The following ARHGEF26 variants were observed in gnomAD, a reference collection of about 807,000 sequenced individuals.
The protein encoded by ARHGEF26 is Rho guanine nucleotide exchange factor (GEF) 26.
ARHGEF26 carries 59 observed loss-of-function variants against 89.4 expected under a neutral mutation model. That is an observed-to-expected ratio of 0.66 (90% CI 0.54 to 0.82). The LOEUF is 0.82. Among genes scored for constraint, ARHGEF26 ranks in the 40% least tolerant of loss-of-function variants. ARHGEF26 has a pLI of 0.00. For synonymous variants in ARHGEF26, 500 were observed against 428.4 expected, an observed-to-expected ratio of 1.17 and a Z score of -2.06; for missense variants, 1,234 against 1,085.6, an observed-to-expected ratio of 1.14 and a Z score of -1.92.
At chr3:154,196,524 C>T (rs1041803369) in intron 9 of ARHGEF26, among the ~76,000 whole-genome samples, 1 of 152,166 alleles carries the variant, frequency 6.6e-6, no homozygotes, top group African/African-American at 2.4e-5. Context: ...ATTTTACTTA[C>T]CCTCTTCCTT....
In ARHGEF26 at chr3:154,122,783, C is replaced by A. The variant is rs1209330607; in HGVS notation, c.791C>A (p.Ser264Tyr). 6 of 1,610,796 alleles carry A rather than the reference C, an allele frequency of 3.7e-6. No individual in the cohort carries two copies. In the South Asian group the frequency reaches 4.4e-5, roughly 12 times the overall value. The change falls in exon 2 of 15, where the codon TCC becomes TAC. Residue 264 changes from serine (S) to tyrosine (Y), a missense_variant. Ser to Tyr is a moderately radical substitution (Grantham distance 144, BLOSUM62 -2). Coordinates refer to ENST00000465093, the MANE Select transcript of ARHGEF26 (RefSeq NM_015595.4). ...GCCTCGGAAATTAAAATAAGTAAAT[C>A]CAACAATCAAAATGTGGAGCCCCAC... ...SLASEIKISK[S>Y]NNQNVEPHKR...
At chr3:154,180,020 C>T (rs1713081853) in intron 6 of ARHGEF26, among the ~76,000 whole-genome samples, 1 of 152,116 alleles carries the variant, frequency 6.6e-6, no homozygotes, top group Non-Finnish European at 1.5e-5. Context: ...TTTTCAGCTT[C>T]TAGAAGTCAC....
At chr3:154,203,983 T>C (rs1485519294) in intron 9 of ARHGEF26, among the ~76,000 whole-genome samples, 1 of 152,054 alleles carries the variant, frequency 6.6e-6, no homozygotes, top group Non-Finnish European at 1.5e-5. Flanking sequence ...CTTTGTCTGG[T>C]TTTGGTATCA....
chr3:154,188,307 C>T (rs965754304), intron 7 of ARHGEF26, among the ~76,000 whole-genome samples: 1 of 152,170 alleles, frequency 6.6e-6, no homozygotes, highest in Non-Finnish European at 1.5e-5. Flanking sequence ...TTATTCCCCC[C>T]ACTTGGGTAG....
rs73010657 is a variant in ARHGEF26, at chr3:154,165,516, A to G, written c.1487+12584A>G. ...TTTTCCGGACTCTTTGAAGACCCCA[A>G]TATTTGGAAACTCAGGTGTTCAAAC... is the stretch of plus-strand genomic sequence containing the variant. On this transcript the variant is annotated intron_variant, in intron 6 of 14. Transcript: ENST00000465093. 4.7e-3 allele frequency among the ~76,000 whole-genome samples: 720 copies of G among 152,256 alleles called. 5 individuals are homozygous for G. Among genetic ancestry groups the G allele is most frequent in the African/African-American group, 0.017 (694 of 41,556 alleles).
chr3:154,197,542 GTAGT>G (rs1209852062), intron 9 of ARHGEF26, among the ~76,000 whole-genome samples: 1 of 152,092 alleles, frequency 6.6e-6, no homozygotes, highest in Non-Finnish European at 1.5e-5. Context: ...GTCTCTCTAG[GTAGT>G]TACTCATTCT....
intron 6 of ARHGEF26, among the ~76,000 whole-genome samples, chr3:154,158,701 T>C (rs1226711952): frequency 6.6e-6 from 1 of 152,170 alleles, no homozygotes; most frequent in African/African-American, 2.4e-5. Flanking sequence ...AAATGGAGTA[T>C]TTGATATCAT....
chr3:154,225,619 GT>G (rs1199489881), intron 10 of ARHGEF26, among the ~76,000 whole-genome samples: 1 of 151,960 alleles, frequency 6.6e-6, no homozygotes, highest in Non-Finnish European at 1.5e-5. Context: ...TTGAGTTTTA[GT>G]TTCATATTGG....
At chr3:154,163,880 G>A (rs1711817695) in intron 6 of ARHGEF26, among the ~76,000 whole-genome samples, 1 of 152,064 alleles carries the variant, frequency 6.6e-6, no homozygotes, top group Non-Finnish European at 1.5e-5. Context: ...ATAATCTGAA[G>A]TGTGTGGAGT....
At chr3:154,182,646 A>G (rs908097453) in intron 6 of ARHGEF26, among the ~76,000 whole-genome samples, 3 of 152,190 alleles carry the variant, frequency 2.0e-5, no homozygotes, top group Admixed American at 1.3e-4. Context: ...TTGCAGTTCC[A>G]GCTGCTACTC....
intron 10 of ARHGEF26, among the ~76,000 whole-genome samples, chr3:154,221,425 T>C (rs1716121313): frequency 6.6e-6 from 1 of 152,216 alleles, no homozygotes; most frequent in Non-Finnish European, 1.5e-5. Context: ...TGGCAATAAC[T>C]ATCAAAATTA....
chr3:154,219,265 T>C (rs1171715071), intron 10 of ARHGEF26, among the ~76,000 whole-genome samples: 1 of 152,218 alleles, frequency 6.6e-6, no homozygotes, highest in Non-Finnish European at 1.5e-5. Context: ...TTTTCCCTTC[T>C]TCACTGAAAG....
chr3:154,149,019 G>A (rs1719853732), intron 4 of ARHGEF26, among the ~76,000 whole-genome samples: 1 of 152,086 alleles, frequency 6.6e-6, no homozygotes, highest in Admixed American at 6.5e-5. Context: ...AAAAGCATGA[G>A]CCCTGGAGTT....
chr3:154,239,163 G>A (rs1441032291), intron 11 of ARHGEF26, among the ~76,000 whole-genome samples: 1 of 151,798 alleles, frequency 6.6e-6, no homozygotes, highest in Non-Finnish European at 1.5e-5. Context: ...GAGTAAAGTC[G>A]GGGAATTGAG....
intron 6 of ARHGEF26, among the ~76,000 whole-genome samples, chr3:154,170,445 A>G (rs1712354738): frequency 6.6e-6 from 1 of 152,224 alleles, no homozygotes; most frequent in South Asian, 2.1e-4. Context: ...ACAAGGTTAA[A>G]TTGCTTATTA....
intron 6 of ARHGEF26, among the ~76,000 whole-genome samples, chr3:154,183,566 G>A (rs961676842): frequency 1.3e-5 from 2 of 152,064 alleles, no homozygotes; most frequent in African/African-American, 4.8e-5. Flanking sequence ...TCATTTTTTA[G>A]AAATACTTTC....
chr3:154,211,639 G>A (rs1191830926), intron 9 of ARHGEF26, among the ~76,000 whole-genome samples: 1 of 152,128 alleles, frequency 6.6e-6, no homozygotes, highest in Non-Finnish European at 1.5e-5. Flanking sequence ...TCTTATGAAG[G>A]TGTTTTCTCT....
At chr3:154,178,201 C>G (rs748415886) in intron 6 of ARHGEF26, among the ~76,000 whole-genome samples, 1 of 152,042 alleles carries the variant, frequency 6.6e-6, no homozygotes, top group African/African-American at 2.4e-5. Context: ...GAGACTCCAT[C>G]TTAAAAAACA....
intron 3 of ARHGEF26, among the ~76,000 whole-genome samples, chr3:154,128,473 A>G (rs1718469770): frequency 6.6e-6 from 1 of 152,108 alleles, no homozygotes; most frequent in African/African-American, 2.4e-5. Context: ...TCCTGACCTC[A>G]AGTGATCTGC....
Sources: allele counts gnomAD v4.1 joint callset (sites outside exome capture counted in the v4.1 genomes callset), GRCh38; gene constraint gnomAD v4.1.1; transcripts MANE v1.5; gene names NCBI Gene and HGNC (gene_info 2026-07-23, HGNC 2026-07-21).